Variants in PTPRD observed in about 807,000 individuals in gnomAD.
PTPRD encodes receptor-type tyrosine-protein phosphatase delta.
In PTPRD, 34 loss-of-function variants were observed where a neutral mutation model predicts 214.5. The observed-to-expected ratio is 0.16, with a 90% CI of 0.12 to 0.21. The LOEUF (loss-of-function observed/expected upper bound fraction) is 0.21, where lower values mean the gene tolerates loss of function less well. Among genes scored for constraint, PTPRD ranks in the 10% least tolerant of loss-of-function variants. PTPRD has a pLI of 1.00. For missense variants in PTPRD, 2,545 were observed against 2,398.7 expected (o/e 1.06, Z -1.27); for synonymous variants, 1,128 against 845.7 (o/e 1.33, Z -5.79).
intron 8 of PTPRD, among the ~76,000 whole-genome samples, chr9:9,505,242 G>T (rs1373025758): frequency 6.6e-6 from 1 of 151,464 alleles, no homozygotes; most frequent in African/African-American, 2.4e-5. Context: ...TAGAGCAGCC[G>T]ACTCTCTTAG....
chr9:8,993,110 A>C (rs2099383926), intron 11 of PTPRD, among the ~76,000 whole-genome samples: 1 of 152,130 alleles, frequency 6.6e-6, no homozygotes, highest in African/African-American at 2.4e-5. Flanking sequence ...AAGAATAATT[A>C]TGTTTTATGT....
rs529771595 is a variant in PTPRD, at chr9:9,776,366, G to C, written c.-367-9515C>G. Among the ~76,000 whole-genome samples, 13 of 151,784 alleles carry C rather than the reference G, an allele frequency of 8.6e-5. No homozygotes were observed. The South Asian group carries it at 2.7e-3, about 32-fold the overall frequency. The stretch of plus-strand genomic sequence containing the variant: ...AATTCCTCTTATATCTCTTGAACTC[G>C]TGTGCCATAACCCTTTCCTGCAATT... On this transcript the variant is annotated intron_variant, in intron 5 of 45. Coordinates refer to ENST00000381196, the MANE Select transcript of PTPRD (RefSeq NM_002839.4).
chr9:9,049,517 A>T (rs1367718014), intron 10 of PTPRD, among the ~76,000 whole-genome samples: 1 of 152,166 alleles, frequency 6.6e-6, no homozygotes, highest in Non-Finnish European at 1.5e-5. Context: ...AAACATGACT[A>T]TAGAGTTGAG....
At chr9:10,206,911 C>T (rs965533210) in intron 3 of PTPRD, among the ~76,000 whole-genome samples, 6 of 152,048 alleles carry the variant, frequency 3.9e-5, no homozygotes, top group African/African-American at 1.4e-4. Flanking sequence ...TGGAGCATAT[C>T]ATCACAATGT....
chr9:8,937,391 TA>T (rs1450404050), intron 11 of PTPRD, among the ~76,000 whole-genome samples: 1 of 152,174 alleles, frequency 6.6e-6, no homozygotes, highest in Non-Finnish European at 1.5e-5. Context: ...ATGGTGAAAA[TA>T]AGCAGAGATT....
chr9:8,570,069 C>A (rs1033252965), intron 14 of PTPRD, among the ~76,000 whole-genome samples: 1 of 152,132 alleles, frequency 6.6e-6, no homozygotes, highest in Non-Finnish European at 1.5e-5. Context: ...CATCCTCTTA[C>A]AACAGCAAGA....
intron 45 of PTPRD, 65 bp from the exon 46 acceptor site, chr9:8,318,007 T>TAAAG: frequency 6.8e-7 from 1 of 1,466,104 alleles, no homozygotes; most frequent in South Asian, 1.1e-5. Context: ...AATAGAAAAA[T>TAAAG]AAAAATCAAT....
chr9:10,043,221 T>C (rs941019243), intron 3 of PTPRD, among the ~76,000 whole-genome samples: 1 of 151,968 alleles, frequency 6.6e-6, no homozygotes, highest in Non-Finnish European at 1.5e-5. Flanking sequence ...CATCAGTTTT[T>C]ATAAAACCTG....
At chr9:8,408,324 C>T (rs1219093438) in intron 35 of PTPRD, among the ~76,000 whole-genome samples, 2 of 152,114 alleles carry the variant, frequency 1.3e-5, no homozygotes, top group Admixed American at 1.3e-4. Flanking sequence ...TCAATTCCTT[C>T]TTTTGGGTCT....
intron 7 of PTPRD, among the ~76,000 whole-genome samples, chr9:9,716,610 G>A (rs1474626417): frequency 1.3e-5 from 2 of 152,146 alleles, no homozygotes; most frequent in Non-Finnish European, 2.9e-5. Context: ...GCCAGTGATG[G>A]TGAGCATTTT....
intron 7 of PTPRD, among the ~76,000 whole-genome samples, chr9:9,697,482 A>C (rs2097401075): frequency 6.6e-6 from 1 of 152,036 alleles, no homozygotes; most frequent in Admixed American, 6.6e-5. Flanking sequence ...CATTTTTTTA[A>C]ATTTCAACAT....
At chr9:9,178,706 C>T (rs1046815007) in intron 10 of PTPRD, among the ~76,000 whole-genome samples, 9 of 152,194 alleles carry the variant, frequency 5.9e-5, no homozygotes, top group African/African-American at 2.2e-4. Flanking sequence ...GTTGTTTCTA[C>T]ATTGAATTGC....
At chr9:9,839,375 T>A (rs1169487969) in intron 5 of PTPRD, among the ~76,000 whole-genome samples, 1 of 152,052 alleles carries the variant, frequency 6.6e-6, no homozygotes, top group Non-Finnish European at 1.5e-5. Flanking sequence ...AAAATCAATG[T>A]ACAAAAATCA....
chr9:8,704,007 C>T (rs1579564), intron 12 of PTPRD, among the ~76,000 whole-genome samples: 5,875 of 152,266 alleles, frequency 0.039, 169 homozygotes, highest in Non-Finnish European at 0.057. Context: ...CTTATATACT[C>T]ACCCTCAATA....
At chr9:9,613,421 TGATA>T (rs1283773475) in intron 7 of PTPRD, among the ~76,000 whole-genome samples, 2 of 151,986 alleles carry the variant, frequency 1.3e-5, no homozygotes, top group African/African-American at 2.4e-5. Context: ...TCCCTGGGTG[TGATA>T]GATAGATAAG....
intron 5 of PTPRD, among the ~76,000 whole-genome samples, chr9:9,777,374 A>G (rs1260266374): frequency 6.6e-6 from 1 of 151,950 alleles, no homozygotes; most frequent in Non-Finnish European, 1.5e-5. Context: ...TTTACGTGTC[A>G]AAAATAAATT....
chr9:9,607,920 A>G (rs2094278334), intron 7 of PTPRD, among the ~76,000 whole-genome samples: 7 of 152,066 alleles, frequency 4.6e-5, no homozygotes, highest in Admixed American at 4.6e-4. Flanking sequence ...AGTCAAATAC[A>G]CCCAGCAGAT....
At chr9:9,483,745 G>C (rs1037646617) in intron 8 of PTPRD, among the ~76,000 whole-genome samples, 2 of 151,538 alleles carry the variant, frequency 1.3e-5, no homozygotes, top group Non-Finnish European at 2.9e-5. Context: ...TGGGCTCATG[G>C]TGTTACAGAA....
chr9:8,985,397 T>C (rs929269428), intron 11 of PTPRD, among the ~76,000 whole-genome samples: 17 of 152,074 alleles, frequency 1.1e-4, no homozygotes, highest in African/African-American at 4.1e-4. Flanking sequence ...AATTATTGAA[T>C]AACCACGACC....
Sources: gnomAD v4.1 joint callset for allele counts (sites outside exome capture counted in the v4.1 genomes callset) on GRCh38, gnomAD v4.1.1 for gene constraint, MANE v1.5 for transcripts, NCBI Gene and HGNC (gene_info 2026-07-23, HGNC 2026-07-21) for gene names.